SCART1: variants seen among roughly 807,000 people sequenced by gnomAD.
SCART1 encodes the protein scavenger receptor family member expressed on T cells 1.
A neutral mutation model predicts 36.2 loss-of-function variants in SCART1; 62 were observed. That is an observed-to-expected ratio of 1.71 (90% confidence interval 1.40 to 2.12). The LOEUF (loss-of-function observed/expected upper bound fraction) is 2.12, where lower values mean the gene tolerates loss of function less well. Ranked by LOEUF, SCART1 falls within the 30% of genes most tolerant of loss-of-function variation. SCART1 has a pLI of 0.00. For missense variants in SCART1, 1,041 were observed against 540.5 expected (o/e 1.93, Z -9.18); for synonymous variants, 487 against 238.7 (o/e 2.04, Z -9.59).
chr10:133,459,581 C>G (rs117139762), exon 6 of SCART1: 2 of 676,894 alleles, frequency 3.0e-6, no homozygotes, highest in South Asian at 1.6e-5. Context: ...GCGTCCTGGA[C>G]GATGCCTGGG....
exon 6 of SCART1, chr10:133,459,770 G>C: frequency 1.5e-6 from 1 of 685,296 alleles, no homozygotes; most frequent in East Asian, 2.8e-5. Context: ...AGGAGCCCGC[G>C]GGGACCTCGC....
chr10:133,465,009 A>T (rs1850746441), intron 7 of SCART1, 97 bp from the exon 8 acceptor site: 1 of 699,968 alleles, frequency 1.4e-6, no homozygotes, highest in African/African-American at 1.8e-5. Context: ...GATGCCATTC[A>T]ATCAGAGCCT....
intron 6 of SCART1, among the ~76,000 whole-genome samples, chr10:133,463,855 G>A (rs568627776): frequency 3.7e-4 from 57 of 152,160 alleles, no homozygotes; most frequent in African/African-American, 1.3e-3. Context: ...CCAGCGATTT[G>A]AAACCATATA....
intron 6 of SCART1, among the ~76,000 whole-genome samples, chr10:133,460,525 A>ATT (rs1554896751): frequency 7.4e-6 from 1 of 134,334 alleles, no homozygotes; most frequent in South Asian, 2.6e-4. Flanking sequence ...ATTTATTTAA[A>ATT]TATTTATTTA....
At chr10:133,460,474 A>ATATATATATATATATATATTTTGTTT (rs1178015874) in intron 6 of SCART1, among the ~76,000 whole-genome samples, 4 of 125,148 alleles carry the variant, frequency 3.2e-5, no homozygotes, top group Non-Finnish European at 6.5e-5. Flanking sequence ...CGAAATTCAT[A>ATATATATATATATATATATTTTGTTT]TATATATATA....
At chr10:133,454,186 A>C (rs1850581373) in intron 1 of SCART1, 122 bp downstream of exon 1, 1 of 673,008 alleles carries the variant, frequency 1.5e-6, no homozygotes, top group South Asian at 1.6e-5. Context: ...CACTCAGCCC[A>C]GAGTGGGTGG....
intron 2 of SCART1, among the ~76,000 whole-genome samples, chr10:133,456,818 G>A (rs558777499): frequency 3.3e-5 from 5 of 152,286 alleles, no homozygotes; most frequent in Admixed American, 2.6e-4. Context: ...GCCCAGGCGT[G>A]GGGGAGGCAG....
At chr10:133,466,146 G>C in intron 9 of SCART1, 89 bp from the exon 10 acceptor site, 1 of 649,140 alleles carries the variant, frequency 1.5e-6, no homozygotes. Flanking sequence ...GGGAGAGGGT[G>C]TGGCTGGGCC....
intron 11 of SCART1, 139 bp from the exon 12 acceptor site, chr10:133,467,708 A>G (rs577037705): frequency 1.5e-5 from 8 of 547,534 alleles, no homozygotes; most frequent in East Asian, 2.9e-5. Flanking sequence ...GGGTGCTTCA[A>G]TGTCAGGATG....
intron 6 of SCART1, among the ~76,000 whole-genome samples, chr10:133,460,525 A>ATATT (rs67784742): frequency 0.1 from 13,869 of 133,896 alleles, 1,277 homozygotes; most frequent in African/African-American, 0.24. Context: ...ATTTATTTAA[A>ATATT]TATTTATTTA....
At chr10:133,455,729 T>C (rs1050991856) in intron 1 of SCART1, among the ~76,000 whole-genome samples, 3 of 150,710 alleles carry the variant, frequency 2.0e-5, no homozygotes, top group South Asian at 2.1e-4. Flanking sequence ...GGTGGGGTAG[T>C]GGGGCTGGGT....
chr10:133,455,357 G>T (rs115614191), intron 1 of SCART1, among the ~76,000 whole-genome samples: 172 of 152,208 alleles, frequency 1.1e-3, no homozygotes, highest in African/African-American at 4.0e-3. Context: ...GGGTGTGGAG[G>T]GATGGATGAA....
At chr10:133,457,228 A>T (rs1850628105) in intron 2 of SCART1, 51 bp from the exon 3 acceptor site, 10 of 684,754 alleles carry the variant, frequency 1.5e-5, no homozygotes, top group Non-Finnish European at 2.4e-5. Flanking sequence ...CCGAGTGACC[A>T]TGCGGCCAGC....
intron 1 of SCART1, 93 bp from the exon 2 acceptor site, chr10:133,456,144 G>T (rs1446428870): frequency 1.6e-6 from 1 of 642,150 alleles, no homozygotes; most frequent in African/African-American, 1.8e-5. Context: ...CGCTGCTGAG[G>T]CCTCACAGGC....
intron 1 of SCART1, among the ~76,000 whole-genome samples, chr10:133,454,474 A>C (rs1850584291): frequency 6.6e-6 from 1 of 152,102 alleles, no homozygotes; most frequent in Non-Finnish European, 1.5e-5. Context: ...GAGGTTGAGC[A>C]TGGGGTCCCA....
At chr10:133,460,555 T>TTTATTTATTTATTTATTTA (rs1180035888) in intron 6 of SCART1, among the ~76,000 whole-genome samples, 1 of 18,588 alleles carries the variant, frequency 5.4e-5, no homozygotes, top group Admixed American at 5.5e-4. Context: ...TTATTTATTT[T>TTTATTTATTTATTTATTTA]GAGACGGTCT....
exon 6 of SCART1, chr10:133,459,692 G>A (rs1266312607): frequency 2.9e-6 from 2 of 699,944 alleles, no homozygotes; most frequent in Non-Finnish European, 5.2e-6. Flanking sequence ...TCCAGGTGGC[G>A]CTGAGCCGCG....
chr10:133,458,495 C>T (rs971660847), exon 4 of SCART1: 58 of 683,462 alleles, frequency 8.5e-5, no homozygotes, highest in African/African-American at 5.3e-5. Flanking sequence ...CAGTGTGGGG[C>T]GGTCGTGTCC....
chr10:133,465,779 T>C (rs2243812), intron 9 of SCART1: 540,384 of 680,382 alleles, frequency 0.79, 214,544 homozygotes, highest in Middle Eastern at 0.83. Context: ...TTTTTGGGAA[T>C]TCCCTTTTGT....
Sources: allele counts gnomAD v4.1 joint callset (sites outside exome capture counted in the v4.1 genomes callset), GRCh38; gene constraint gnomAD v4.1.1; transcripts MANE v1.5; gene names NCBI Gene and HGNC (gene_info 2026-07-23, HGNC 2026-07-21).